Variants in TDRP observed in about 807,000 individuals in gnomAD.
TDRP encodes testis development related protein.
A neutral mutation model predicts 10.5 loss-of-function variants in TDRP; 12 were observed. That is an observed-to-expected ratio of 1.15 (90% confidence interval 0.73 to 1.86). The LOEUF (loss-of-function observed/expected upper bound fraction) is 1.86, where lower values mean the gene tolerates loss of function less well. Ranked by LOEUF, TDRP falls within the 40% of genes most tolerant of loss-of-function variation. TDRP has a pLI of 0.00. For synonymous variants in TDRP, 139 were observed against 95.4 expected (o/e 1.46, Z -2.67); for missense variants, 353 against 229.2 (o/e 1.54, Z -3.49).
Position 491,499 on chromosome 8 carries a change from G to T in TDRP, c.*900C>A. On this transcript the variant is annotated 3_prime_UTR_variant, in exon 3 of 3. Transcript: ENST00000324079. Reference sequence around the variant, plus strand: ...TGTGGAAAAAACACAGCTTCTTACAGATCTAACACCAATCACAATAGGCAT... The same window carrying T: ...TGTGGAAAAAACACAGCTTCTTACATATCTAACACCAATCACAATAGGCAT... The T allele has an allele frequency of 1.9e-6, 2 of 1,044,104 alleles. No homozygotes were observed. The highest frequency in any genetic ancestry group is 1.3e-6 in the Non-Finnish European group (1 of 753,720). The allele number at this position is 1,044,104 out of a possible 1,614,324, so 64.7% of individuals were successfully genotyped here.
In TDRP at chr8:500,972, C is replaced by T. The variant is rs547473500; in HGVS notation, c.109-6375G>A. Among the ~76,000 whole-genome samples, 27 of 152,266 alleles carry T rather than the reference C, an allele frequency of 1.8e-4. No homozygotes were observed. In the East Asian group the frequency reaches 1.9e-3, roughly 11 times the overall value. ...CTGTAATCCCAGCACTCTGGGAGGCCAAGGTGGGTGGATCACAAGGTCAGG... is the reference window on the plus strand; with the variant it reads ...CTGTAATCCCAGCACTCTGGGAGGCTAAGGTGGGTGGATCACAAGGTCAGG... On this transcript the variant is annotated intron_variant, in intron 1 of 2. Transcript: ENST00000324079.
chr8:499,244 T>A (rs759752721), intron 1 of TDRP, among the ~76,000 whole-genome samples: 9 of 152,218 alleles, frequency 5.9e-5, no homozygotes, highest in Non-Finnish European at 1.3e-4. Flanking sequence ...TGTTTTGTTT[T>A]GTTTTTGGAG....
intron 1 of TDRP, among the ~76,000 whole-genome samples, chr8:498,681 C>G (rs181469336): frequency 3.7e-4 from 56 of 152,214 alleles, no homozygotes; most frequent in African/African-American, 1.3e-3. Flanking sequence ...AAGAACATTA[C>G]ATTTGGGAGG....
intron 1 of TDRP, among the ~76,000 whole-genome samples, chr8:502,599 T>G (rs1801335228): frequency 6.6e-6 from 1 of 152,186 alleles, no homozygotes; most frequent in Admixed American, 6.5e-5. Context: ...TACGCCTACC[T>G]CAGCACGTGT....
intron 1 of TDRP, among the ~76,000 whole-genome samples, chr8:519,353 C>A (rs149566294): frequency 1.3e-3 from 194 of 152,196 alleles, no homozygotes; most frequent in Non-Finnish European, 1.9e-3. Flanking sequence ...TTCTGGAGTT[C>A]TGTAAACTAT....
intron 1 of TDRP, among the ~76,000 whole-genome samples, chr8:499,451 T>C (rs1253183246): frequency 1.3e-5 from 2 of 152,190 alleles, no homozygotes; most frequent in Non-Finnish European, 2.9e-5. Flanking sequence ...GGGTGGCTGC[T>C]GCACATCCCA....
intron 1 of TDRP, among the ~76,000 whole-genome samples, chr8:536,342 G>C (rs1465196522): frequency 2.0e-5 from 3 of 152,192 alleles, no homozygotes; most frequent in Non-Finnish European, 4.4e-5. Context: ...TTCCAAATCA[G>C]TTGGCATTCA....
At chr8:544,951 G>A (rs1802601364), upstream of TDRP, 1 of 227,196 alleles carries the variant, frequency 4.4e-6, no homozygotes, top group Non-Finnish European at 6.9e-6. Context: ...ACCCTCCCCA[G>A]GACCCGGCCC....
intron 1 of TDRP, among the ~76,000 whole-genome samples, chr8:526,496 T>C (rs1487095080): frequency 1.3e-5 from 2 of 152,232 alleles, no homozygotes; most frequent in Admixed American, 6.5e-5. Flanking sequence ...CTTCATTGTG[T>C]TGATATGATG....
At chr8:536,150 G>C (rs1263353643) in intron 1 of TDRP, among the ~76,000 whole-genome samples, 3 of 152,196 alleles carry the variant, frequency 2.0e-5, no homozygotes, top group African/African-American at 7.2e-5. Flanking sequence ...AGGCCTGAAA[G>C]GCAGATATTT....
At chr8:533,790 A>T (rs1464824568) in intron 1 of TDRP, among the ~76,000 whole-genome samples, 1 of 152,156 alleles carries the variant, frequency 6.6e-6, no homozygotes, top group African/African-American at 2.4e-5. Flanking sequence ...AAGTATATAA[A>T]GTATAGGGTA....
At chr8:508,138 G>T (rs192726874) in intron 1 of TDRP, among the ~76,000 whole-genome samples, 94 of 152,260 alleles carry the variant, frequency 6.2e-4, no homozygotes, top group African/African-American at 2.1e-3. Context: ...CGGCAATGTT[G>T]CATCAAAGAG....
At chr8:521,427 A>G (rs1164966650) in intron 1 of TDRP, among the ~76,000 whole-genome samples, 1 of 152,072 alleles carries the variant, frequency 6.6e-6, no homozygotes, top group African/African-American at 2.4e-5. Flanking sequence ...AAAAAACAAA[A>G]AAAGATACAA....
chr8:544,569 T>G, intron 1 of TDRP, 81 bp downstream of exon 1: 1 of 993,506 alleles, frequency 1.0e-6, no homozygotes, highest in Non-Finnish European at 1.3e-6. Flanking sequence ...TACCCGCACC[T>G]CCACCTGCGC....
intron 1 of TDRP, among the ~76,000 whole-genome samples, chr8:539,266 G>A (rs529502693): frequency 6.6e-6 from 1 of 152,146 alleles, no homozygotes; most frequent in Admixed American, 6.5e-5. Context: ...GTCCTAATAT[G>A]GTGGTAAGAA....
Position 492,249 on chromosome 8 carries a change from A to G in TDRP, c.*150T>C. ...ACCAAGGAGTCACAGTGTGTGTGAG[A>G]GTTCATTAAATAAAGAAACAGAGGT... On this transcript the variant is annotated 3_prime_UTR_variant, in exon 3 of 3. Transcript: ENST00000324079. The G allele has an allele frequency of 7.5e-7, 1 of 1,338,114 alleles. No individual in the cohort carries two copies. The highest frequency in any genetic ancestry group is 9.5e-7 in the Non-Finnish European group (1 of 1,048,280). 82.9% of individuals were successfully genotyped at this position (1,338,114 alleles called of 1,614,324 possible).
chr8:493,710 C>A (rs927204079), intron 2 of TDRP, among the ~76,000 whole-genome samples: 2 of 152,168 alleles, frequency 1.3e-5, no homozygotes, highest in Non-Finnish European at 2.9e-5. Context: ...GTATTCAATT[C>A]TCTAAAATCT....
chr8:543,963 G>A (rs1802568177), intron 1 of TDRP, among the ~76,000 whole-genome samples: 1 of 151,320 alleles, frequency 6.6e-6, no homozygotes, highest in Non-Finnish European at 1.5e-5. Context: ...CACGTCTAAG[G>A]CACACAGGGC....
intron 1 of TDRP, among the ~76,000 whole-genome samples, chr8:509,042 T>A (rs201036244): frequency 6.6e-6 from 1 of 152,234 alleles, no homozygotes; most frequent in Non-Finnish European, 1.5e-5. Flanking sequence ...TTTGACTCCA[T>A]GTCTCACACA....
Sources: allele counts gnomAD v4.1 joint callset (sites outside exome capture counted in the v4.1 genomes callset), GRCh38; gene constraint gnomAD v4.1.1; transcripts MANE v1.5; gene names NCBI Gene and HGNC (gene_info 2026-07-23, HGNC 2026-07-21).